The following TBC1D32 variants were observed in gnomAD, a reference collection of about 807,000 sequenced individuals.
TBC1D32 encodes the protein protein broad-minded.
In TBC1D32, 151 loss-of-function variants were observed where a neutral mutation model predicts 170.3. That is an observed-to-expected ratio of 0.89 (90% CI 0.78 to 1.01). TBC1D32 has a LOEUF of 1.01. Among genes scored for constraint, TBC1D32 ranks in the 50% least tolerant of loss-of-function variants. The probability of loss-of-function intolerance (pLI) is 0.00; values close to 1 mark genes in which losing one functional copy is unlikely to be tolerated. For synonymous variants in TBC1D32, 498 were observed against 488.0 expected, an observed-to-expected ratio of 1.02 and a Z score of -0.27; for missense variants, 1,464 against 1,457.1, an observed-to-expected ratio of 1.00 and a Z score of -0.08.
intron 22 of TBC1D32, among the ~76,000 whole-genome samples, chr6:121,200,426 TA>T (rs1371694103): frequency 4.0e-5 from 6 of 151,426 alleles, no homozygotes; most frequent in Non-Finnish European, 7.4e-5. Flanking sequence ...TGTTTTGAAA[TA>T]AAATGTCCAA....
At chr6:121,108,028 A>T (rs932089886) in intron 29 of TBC1D32, among the ~76,000 whole-genome samples, 3 of 152,144 alleles carry the variant, frequency 2.0e-5, no homozygotes, top group Admixed American at 2.0e-4. Flanking sequence ...AGCCTTGCAT[A>T]GAATAGATGC....
At chr6:121,123,817 T>G (rs1188587628) in intron 26 of TBC1D32, among the ~76,000 whole-genome samples, 1 of 151,990 alleles carries the variant, frequency 6.6e-6, no homozygotes, top group East Asian at 1.9e-4. Context: ...CTTACTACCT[T>G]CTTTTGCATT....
At chr6:121,222,452 T>G (rs953951585) in intron 21 of TBC1D32, among the ~76,000 whole-genome samples, 2 of 152,284 alleles carry the variant, frequency 1.3e-5, no homozygotes, top group Admixed American at 1.3e-4. Context: ...ATGATAGAAG[T>G]ACCTATCTTT....
At chr6:121,103,001 C>T (rs1778294294) in intron 30 of TBC1D32, among the ~76,000 whole-genome samples, 1 of 152,088 alleles carries the variant, frequency 6.6e-6, no homozygotes, top group African/African-American at 2.4e-5. Context: ...CATCACTGGC[C>T]ATCAGAGAAA....
At chr6:121,299,274 T>C (rs990739727) in intron 10 of TBC1D32, among the ~76,000 whole-genome samples, 172 bp downstream of exon 10, 1 of 152,144 alleles carries the variant, frequency 6.6e-6, no homozygotes, top group African/African-American at 2.4e-5. Context: ...TTTAAGTCTC[T>C]ATTTTTATCC....
intron 12 of TBC1D32, among the ~76,000 whole-genome samples, chr6:121,285,042 T>C (rs918643329): frequency 1.3e-5 from 2 of 152,058 alleles, no homozygotes; most frequent in African/African-American, 4.8e-5. Flanking sequence ...CAAAACAGTA[T>C]AAAAGAGTAT....
At chr6:121,116,678 A>G (rs1779716167) in intron 26 of TBC1D32, among the ~76,000 whole-genome samples, 1 of 152,188 alleles carries the variant, frequency 6.6e-6, no homozygotes, top group Non-Finnish European at 1.5e-5. Context: ...ATCAGGAAAC[A>G]CTGACCTAGC....
At chr6:121,298,623 C>T (rs1370912429) in intron 10 of TBC1D32, among the ~76,000 whole-genome samples, 1 of 151,992 alleles carries the variant, frequency 6.6e-6, no homozygotes, top group African/African-American at 2.4e-5. Context: ...GTATATTTTA[C>T]CTTTACAAAT....
chr6:121,292,250 TG>T (rs990136439), intron 11 of TBC1D32, 57 bp from the exon 12 acceptor site: 1 of 1,494,898 alleles, frequency 6.7e-7, no homozygotes, highest in African/African-American at 1.4e-5. Context: ...TTACAGTACC[TG>T]TCTTCATTCC....
chr6:121,140,179 C>T (rs1041271803), intron 24 of TBC1D32, among the ~76,000 whole-genome samples: 34 of 152,068 alleles, frequency 2.2e-4, no homozygotes, highest in African/African-American at 7.5e-4. Context: ...TGATTCAAGA[C>T]ATATTTTATA....
intron 20 of TBC1D32, among the ~76,000 whole-genome samples, chr6:121,235,311 A>C (rs7744869): frequency 1 from 152,084 of 152,152 alleles, 76,008 homozygotes; most frequent in Non-Finnish European, 1. Context: ...ATAGAGTTCC[A>C]AAGAGATTAT....
At chr6:121,262,765 T>C (rs1799936451) in intron 15 of TBC1D32, among the ~76,000 whole-genome samples, 1 of 152,134 alleles carries the variant, frequency 6.6e-6, no homozygotes, top group Admixed American at 6.6e-5. Flanking sequence ...GCATGAGCTA[T>C]GGCACCCAGC....
intron 22 of TBC1D32, among the ~76,000 whole-genome samples, chr6:121,174,917 A>G (rs1250154697): frequency 3.3e-5 from 5 of 151,790 alleles, no homozygotes; most frequent in African/African-American, 1.2e-4. Flanking sequence ...CATAGGTCCC[A>G]GCTACCGGAG....
chr6:121,172,904 T>C (rs1162340673), intron 22 of TBC1D32, among the ~76,000 whole-genome samples: 1 of 152,220 alleles, frequency 6.6e-6, no homozygotes, highest in Non-Finnish European at 1.5e-5. Flanking sequence ...GGTGTAATTA[T>C]AATCTTTTTG....
At chr6:121,126,237 T>A (rs1780830107) in intron 26 of TBC1D32, 141 bp downstream of exon 26, 8 of 532,992 alleles carry the variant, frequency 1.5e-5, no homozygotes, top group Non-Finnish European at 2.3e-5. Context: ...AGAGGCTTAA[T>A]GATATCTGGA....
Position 121,090,908 on chromosome 6 carries a change from A to G in TBC1D32, c.3599T>C (p.Leu1200Ser), listed in dbSNP as rs372829056. ...AGTGTGCTGTAGAATGTCTTGCTGT[A>G]AATGTTTGAATACAGCTATACAGAT... Reference protein sequence around the residue: ...VYICIAVFKHLQQDILQHTQT... With the variant: ...VYICIAVFKHSQQDILQHTQT... The change falls in exon 31 of 32, where the codon TTA (leucine) becomes TCA (serine). Residue 1200 changes from leucine to serine, a missense_variant. Leu to Ser is a moderately radical substitution (Grantham distance 145, BLOSUM62 -2). Around this residue, in one of 3 missense-constraint regions of TBC1D32, gnomAD observed 97 missense variants for 102.0 expected, o/e 0.95. Transcript: ENST00000398212. 7 of 1,612,788 alleles carry G rather than the reference A, an allele frequency of 4.3e-6. No homozygotes were observed. In the African/African-American group the frequency reaches 9.4e-5, roughly 22 times the overall value.
At chr6:121,293,270 T>G (rs1168956448) in intron 11 of TBC1D32, among the ~76,000 whole-genome samples, 1 of 151,382 alleles carries the variant, frequency 6.6e-6, no homozygotes, top group Non-Finnish European at 1.5e-5. Flanking sequence ...TAGAAAAATC[T>G]GTAAGTTTGT....
chr6:121,170,756 T>A (rs115600075), intron 22 of TBC1D32, among the ~76,000 whole-genome samples: 2,071 of 152,166 alleles, frequency 0.014, 24 homozygotes, highest in Middle Eastern at 0.048. Context: ...CTAGATTTTT[T>A]AAAATGTATC....
chr6:121,269,927 G>A (rs1801122257), intron 15 of TBC1D32, among the ~76,000 whole-genome samples: 1 of 152,010 alleles, frequency 6.6e-6, no homozygotes, highest in Non-Finnish European at 1.5e-5. Flanking sequence ...AGACCACAGT[G>A]CAATCAAACT....
Sources: gnomAD v4.1 joint callset for allele counts (sites outside exome capture counted in the v4.1 genomes callset) on GRCh38, gnomAD v4.1.1 for gene constraint, gnomAD v4.1.1 regional missense constraint, MANE v1.5 for transcripts, NCBI Gene and HGNC (gene_info 2026-07-23, HGNC 2026-07-21) for gene names.